The following RASAL2 variants were observed in gnomAD, a reference collection of about 807,000 sequenced individuals.
RASAL2 encodes the protein RAS protein activator like 2, also known as ras GTPase-activating protein nGAP.
A neutral mutation model predicts 128.9 loss-of-function variants in RASAL2; 58 were observed. The ratio of observed to expected loss-of-function variants is 0.45; its 90% CI spans 0.36 to 0.56. RASAL2 has a LOEUF of 0.56. RASAL2 is among the 20% of genes least tolerant of loss of function. The pLI is 0.00. For missense variants in RASAL2, 1,360 were observed against 1,601.6 expected (o/e 0.85, Z 2.57); for synonymous variants, 561 against 580.8 (o/e 0.97, Z 0.49).
At chr1:178,364,104 A>T (rs1254869155) in intron 3 of RASAL2, among the ~76,000 whole-genome samples, 1 of 151,992 alleles carries the variant, frequency 6.6e-6, no homozygotes, top group Non-Finnish European at 1.5e-5. Flanking sequence ...TCAAAAAAAA[A>T]AAAAAAGAAG....
intron 1 of RASAL2, among the ~76,000 whole-genome samples, chr1:178,118,244 G>A (rs1456701131): frequency 6.6e-6 from 1 of 151,964 alleles, no homozygotes; most frequent in Non-Finnish European, 1.5e-5. Flanking sequence ...ACCAGGGACT[G>A]GTTTCATGGA....
At chr1:178,342,483 A>G (rs558593543) in intron 3 of RASAL2, among the ~76,000 whole-genome samples, 1 of 152,346 alleles carries the variant, frequency 6.6e-6, no homozygotes, top group Admixed American at 6.5e-5. Flanking sequence ...AATCTTATGG[A>G]GAGGAGGTAT....
chr1:178,208,457 C>T (rs1326546697), intron 1 of RASAL2, among the ~76,000 whole-genome samples: 2 of 152,104 alleles, frequency 1.3e-5, no homozygotes, highest in African/African-American at 2.4e-5. Flanking sequence ...GCAGTACCCT[C>T]AGGCTTACTA....
intron 3 of RASAL2, among the ~76,000 whole-genome samples, chr1:178,357,675 G>A (rs1362321723): frequency 6.6e-6 from 1 of 152,058 alleles, no homozygotes; most frequent in Non-Finnish European, 1.5e-5. Context: ...TACAATGAAT[G>A]TATAGATTAT....
intron 1 of RASAL2, among the ~76,000 whole-genome samples, chr1:178,119,767 C>T (rs1356885059): frequency 2.6e-5 from 4 of 152,194 alleles, no homozygotes. Context: ...GTAGACTTGT[C>T]AATCTGGATT....
At chr1:178,106,847 GT>G (rs1659106993) in intron 1 of RASAL2, among the ~76,000 whole-genome samples, 1 of 152,146 alleles carries the variant, frequency 6.6e-6, no homozygotes, top group East Asian at 1.9e-4. Flanking sequence ...TTAGGTTGTA[GT>G]TTTGGTCTAT....
intron 3 of RASAL2, among the ~76,000 whole-genome samples, chr1:178,358,545 A>G (rs1670943108): frequency 6.6e-6 from 1 of 152,188 alleles, no homozygotes. Flanking sequence ...CATAACATAT[A>G]TACCCATAGA....
chr1:178,205,188 A>G (rs1002152345), intron 1 of RASAL2, among the ~76,000 whole-genome samples: 1 of 152,052 alleles, frequency 6.6e-6, no homozygotes, highest in African/African-American at 2.4e-5. Context: ...TATTTTTGGT[A>G]GAGACTGGGT....
intron 1 of RASAL2, among the ~76,000 whole-genome samples, chr1:178,162,359 AATATAC>A (rs1382165824): frequency 5.6e-5 from 7 of 125,662 alleles, no homozygotes; most frequent in South Asian, 2.2e-4. Flanking sequence ...TATAATATAT[AATATAC>A]ATATAATATA....
At chr1:178,267,871 A>G (rs78526082) in intron 1 of RASAL2, among the ~76,000 whole-genome samples, 340 of 152,082 alleles carry the variant, frequency 2.2e-3, no homozygotes, top group Middle Eastern at 6.8e-3. Context: ...CTGAATAGCT[A>G]TCATTTTAGG....
chr1:178,130,091 C>G (rs771590979), intron 1 of RASAL2, among the ~76,000 whole-genome samples: 1 of 151,980 alleles, frequency 6.6e-6, no homozygotes, highest in African/African-American at 2.4e-5. Context: ...AGGTCTTTTC[C>G]GTAGTATATT....
chr1:178,434,469 CCTT>C (rs1312314572), intron 5 of RASAL2, among the ~76,000 whole-genome samples: 3 of 152,096 alleles, frequency 2.0e-5, no homozygotes, highest in African/African-American at 4.8e-5. Context: ...TGACAAATAT[CCTT>C]CTTCATCATT....
At chr1:178,348,307 A>G (rs1000053223) in intron 3 of RASAL2, among the ~76,000 whole-genome samples, 6 of 151,834 alleles carry the variant, frequency 4.0e-5, no homozygotes, top group African/African-American at 1.5e-4. Flanking sequence ...TTTTTTCTTG[A>G]GACAAGGTCT....
intron 3 of RASAL2, among the ~76,000 whole-genome samples, chr1:178,351,635 A>C (rs1464338419): frequency 6.6e-6 from 1 of 151,976 alleles, no homozygotes; most frequent in African/African-American, 2.4e-5. Flanking sequence ...AGGCTGAGGC[A>C]GAAGAGTGGC....
At chr1:178,308,692 C>CT (rs765324302) in intron 3 of RASAL2, among the ~76,000 whole-genome samples, 22 of 151,836 alleles carry the variant, frequency 1.4e-4, no homozygotes, top group Non-Finnish European at 2.8e-4. Context: ...ACTACAGGCA[C>CT]TCACCACCAT....
At chr1:178,286,272 C>G (rs1183919590) in intron 2 of RASAL2, among the ~76,000 whole-genome samples, 5 of 152,214 alleles carry the variant, frequency 3.3e-5, no homozygotes, top group Non-Finnish European at 7.3e-5. Flanking sequence ...AAGACACTAT[C>G]TTCCATTAAG....
In RASAL2 at chr1:178,445,538, G is replaced by A. The variant is rs1676938386; in HGVS notation, c.1503G>A (p.Val501=). 1 of 1,613,286 alleles carries A rather than the reference G, an allele frequency of 6.2e-7. No homozygotes were observed. Among genetic ancestry groups the A allele is most frequent in the Non-Finnish European group, 8.5e-7 (1 of 1,179,634 alleles). ...GRAKDFLTDL[V]MSEVDRCGEH... ...ACCAGGATTTTCTGACTGACTTGGT[G>A]ATGTCTGAGGTGGATCGTTGTGGAG... is the stretch of plus-strand genomic sequence containing the variant. Residue 501 remains valine (V), a synonymous_variant, in exon 9 of 18, where the codon GTG becomes GTA. Transcript: ENST00000367649.
chr1:178,266,820 GC>G (rs1165593267), intron 1 of RASAL2, among the ~76,000 whole-genome samples: 2 of 152,156 alleles, frequency 1.3e-5, no homozygotes, highest in African/African-American at 4.8e-5. Context: ...TCCCACCCTA[GC>G]CTTTTAATAT....
rs1415558855 is a variant in RASAL2, at chr1:178,202,748, A to G, written c.203-80816A>G. On this transcript the variant is annotated intron_variant, in intron 1 of 17. Coordinates refer to ENST00000367649, the MANE Select transcript of RASAL2 (RefSeq NM_170692.4). ...TTGTATCCCATGTGGGTGCTCACCA[A>G]AGGGTGACCTTGGCAGAGGAGGATT... Among the ~76,000 whole-genome samples, 4 of 152,168 alleles carry G rather than the reference A, an allele frequency of 2.6e-5. No individual in the cohort carries two copies. In the East Asian group the frequency reaches 7.7e-4, roughly 29 times the overall value.
Sources: allele counts gnomAD v4.1 joint callset (sites outside exome capture counted in the v4.1 genomes callset), GRCh38; gene constraint gnomAD v4.1.1; transcripts MANE v1.5; gene names NCBI Gene and HGNC (gene_info 2026-07-23, HGNC 2026-07-21).